TBC1D1: variants seen among roughly 807,000 people sequenced by gnomAD.
TBC1D1 encodes the protein TBC1 (tre-2/USP6, BUB2, cdc16) domain family, member 1.
A neutral mutation model predicts 125.6 loss-of-function variants in TBC1D1; 89 were observed. The ratio of observed to expected loss-of-function variants is 0.71; its 90% CI spans 0.60 to 0.85. The LOEUF (loss-of-function observed/expected upper bound fraction) is 0.85, where lower values mean the gene tolerates loss of function less well. Ranked by LOEUF, TBC1D1 falls within the 40% of genes least tolerant of loss-of-function variation. The pLI is 0.00. For synonymous variants in TBC1D1, 565 were observed against 564.1 expected, an observed-to-expected ratio of 1.00 and a Z score of -0.02; for missense variants, 1,377 against 1,469.2, an observed-to-expected ratio of 0.94 and a Z score of 1.03.
At chr4:37,948,845 C>T (rs1238662184) in intron 2 of TBC1D1, among the ~76,000 whole-genome samples, 4 of 152,172 alleles carry the variant, frequency 2.6e-5, no homozygotes, top group African/African-American at 7.2e-5. Flanking sequence ...ATATTCTGAA[C>T]ATTTCACATG....
At chr4:38,091,009 T>C (rs1758330623) in intron 13 of TBC1D1, among the ~76,000 whole-genome samples, 2 of 152,252 alleles carry the variant, frequency 1.3e-5, no homozygotes, top group Admixed American at 1.3e-4. Flanking sequence ...CTCCTGAGAA[T>C]GTGTTGCATC....
chr4:38,023,665 T>A (rs1270433940), intron 6 of TBC1D1, among the ~76,000 whole-genome samples: 1 of 152,248 alleles, frequency 6.6e-6, no homozygotes, highest in Non-Finnish European at 1.5e-5. Flanking sequence ...TAAGGCTGAA[T>A]GGTATTCCAT....
At chr4:38,063,035 G>C (rs1753056713) in intron 12 of TBC1D1, among the ~76,000 whole-genome samples, 1 of 152,186 alleles carries the variant, frequency 6.6e-6, no homozygotes, top group South Asian at 2.1e-4. Flanking sequence ...ACTCTAGAGT[G>C]TGTGCCTGTG....
Position 38,090,075 on chromosome 4 carries a change from A to G in TBC1D1, c.2194A>G (p.Ile732Val), listed in dbSNP as rs566923605. 1.2e-6 allele frequency: 2 copies of G among 1,614,084 alleles called. No homozygotes were observed. The highest frequency in any genetic ancestry group is 1.7e-6 in the Non-Finnish European group (2 of 1,179,980). Residue 732 changes from isoleucine (I) to valine (V), a missense_variant, in exon 13 of 20, where the codon ATA (isoleucine) becomes GTA (valine). By Grantham distance (29) the Ile-to-Val change is conservative (BLOSUM62 3). Around this residue, in one of 3 missense-constraint regions of TBC1D1, gnomAD observed 543 missense variants for 613.5 expected, o/e 0.89. Coordinates refer to ENST00000261439, the MANE Select transcript of TBC1D1 (RefSeq NM_015173.4). ...GTGGCAAAAGGCTATTCTTCAACAG[A>G]TACTGCTGCTTAGAATGGAGAAGGA... is the stretch of plus-strand genomic sequence containing the variant.
chr4:37,906,154 T>TCCCC lies in TBC1D1; in HGVS notation c.417+3646_417+3649dup, dbSNP rs113545613. Among the ~76,000 whole-genome samples, 534 of 151,728 alleles carry TCCCC rather than the reference T, an allele frequency of 3.5e-3. 3 individuals carry two copies. Among genetic ancestry groups the TCCCC allele is most frequent in the African/African-American group, 0.013 (516 of 41,178 alleles). Reference sequence around the variant, plus strand: ...ATTGTCTCGTCCCTTCTTTTTCTTTTCCCCCCCGCTTGAGACACAGTCTTG... The same window carrying TCCCC: ...ATTGTCTCGTCCCTTCTTTTTCTTTTCCCCCCCCCCCGCTTGAGACACAGTCTTG... On this transcript the variant is annotated intron_variant, in intron 2 of 19. Coordinates refer to ENST00000261439, the MANE Select transcript of TBC1D1 (RefSeq NM_015173.4).
chr4:38,094,019 G>A (rs1361706262), intron 13 of TBC1D1, among the ~76,000 whole-genome samples: 1 of 152,154 alleles, frequency 6.6e-6, no homozygotes, highest in Admixed American at 6.5e-5. Context: ...TACAGTTGAT[G>A]TTTTTTATTT....
chr4:38,111,785 T>C (rs759066212), intron 15 of TBC1D1: 10 of 269,326 alleles, frequency 3.7e-5, no homozygotes, highest in Non-Finnish European at 4.6e-5. Flanking sequence ...GAATGTAAAA[T>C]AGGAAAACAG....
At chr4:38,006,604 G>A (rs1293563712) in intron 2 of TBC1D1, among the ~76,000 whole-genome samples, 2 of 148,358 alleles carry the variant, frequency 1.3e-5, no homozygotes, top group African/African-American at 2.5e-5. Flanking sequence ...TCAGCCTCCC[G>A]AGTAGCTGGG....
chr4:37,916,943 G>A (rs1228665905), intron 2 of TBC1D1, among the ~76,000 whole-genome samples: 3 of 151,656 alleles, frequency 2.0e-5, no homozygotes, highest in African/African-American at 7.3e-5. Context: ...GCTAATTTTT[G>A]TATTTTTGGT....
At chr4:38,069,033 A>G (rs530854264) in intron 12 of TBC1D1, among the ~76,000 whole-genome samples, 1 of 152,386 alleles carries the variant, frequency 6.6e-6, no homozygotes, top group East Asian at 1.9e-4. Context: ...CTGGATATGT[A>G]AAAGCTATTG....
intron 2 of TBC1D1, among the ~76,000 whole-genome samples, chr4:37,914,745 G>A (rs6813982): frequency 0.018 from 2,671 of 152,224 alleles, 82 homozygotes; most frequent in African/African-American, 0.061. Flanking sequence ...TTGCTCTCTG[G>A]ACTCCAGCCA....
At chr4:38,031,770 G>A (rs1205338125) in intron 7 of TBC1D1, among the ~76,000 whole-genome samples, 1 of 152,212 alleles carries the variant, frequency 6.6e-6, no homozygotes, top group Non-Finnish European at 1.5e-5. Flanking sequence ...TGGGACTGCA[G>A]GTACATGCCA....
chr4:38,101,420 T>G lies in TBC1D1; in HGVS notation c.2399-1579T>G, dbSNP rs567475068. Among the ~76,000 whole-genome samples, 177 of 152,352 alleles carry G rather than the reference T, an allele frequency of 1.2e-3. 1 individual carries two copies. The highest frequency in any genetic ancestry group is 4.1e-3 in the African/African-American group (169 of 41,582). On this transcript the variant is annotated intron_variant, in intron 14 of 19. Coordinates refer to ENST00000261439, the MANE Select transcript of TBC1D1 (RefSeq NM_015173.4). ...AATAGCTGAGTAATGAGCTAAAGAA[T>G]TTTGGTTCAAAACTGTCACCTTTTA...
chr4:38,126,360 A>AT (rs1299777907), intron 18 of TBC1D1, among the ~76,000 whole-genome samples: 5 of 152,244 alleles, frequency 3.3e-5, no homozygotes, highest in Non-Finnish European at 7.3e-5. Context: ...AAATAAAGCT[A>AT]TTTTTGAAAA....
chr4:38,054,133 G>T (rs779484918), intron 11 of TBC1D1, 66 bp from the exon 14 acceptor site: 1 of 1,528,876 alleles, frequency 6.5e-7, no homozygotes, highest in Non-Finnish European at 9.0e-7. Context: ...TTAAAAAAAT[G>T]TTAAGCTAAC....
At chr4:37,999,839 CA>C (rs1464208501) in intron 2 of TBC1D1, among the ~76,000 whole-genome samples, 1 of 152,184 alleles carries the variant, frequency 6.6e-6, no homozygotes, top group Non-Finnish European at 1.5e-5. Flanking sequence ...ACCAAGTTGA[CA>C]GTTGAAAATG....
intron 18 of TBC1D1, among the ~76,000 whole-genome samples, chr4:38,130,915 C>CT (rs1189878417): frequency 2.0e-5 from 3 of 152,148 alleles, no homozygotes; most frequent in Admixed American, 6.5e-5. Flanking sequence ...CTTGTGCTGT[C>CT]TAAGTGTGCA....
intron 2 of TBC1D1, among the ~76,000 whole-genome samples, chr4:37,909,540 T>C (rs1386118174): frequency 6.6e-6 from 1 of 152,214 alleles, no homozygotes; most frequent in African/African-American, 2.4e-5. Flanking sequence ...TTACTTTCTT[T>C]CTTCGCTAGA....
At chr4:37,924,038 G>A (rs1417798266) in intron 2 of TBC1D1, among the ~76,000 whole-genome samples, 4 of 151,942 alleles carry the variant, frequency 2.6e-5, no homozygotes, top group South Asian at 2.1e-4. Context: ...CACTGTGATC[G>A]ATCTTTGCAA....
Sources: gnomAD v4.1 joint callset for allele counts (sites outside exome capture counted in the v4.1 genomes callset) on GRCh38, gnomAD v4.1.1 for gene constraint, gnomAD v4.1.1 regional missense constraint, MANE v1.5 for transcripts, NCBI Gene and HGNC (gene_info 2026-07-23, HGNC 2026-07-21) for gene names.